PRRX2: variants seen among roughly 807,000 people sequenced by gnomAD.
PRRX2 encodes the protein paired related homeobox 2.
In PRRX2, 11 loss-of-function variants were observed where a neutral mutation model predicts 18.0. The observed-to-expected ratio is 0.61, with a 90% CI of 0.39 to 1.01. The LOEUF (loss-of-function observed/expected upper bound fraction) is 1.01, where lower values mean the gene tolerates loss of function less well. Ranked by LOEUF, PRRX2 falls within the 50% of genes least tolerant of loss-of-function variation. The pLI is 0.01. For missense variants in PRRX2, 387 were observed against 351.0 expected (o/e 1.10, Z -0.82); for synonymous variants, 177 against 154.8 (o/e 1.14, Z -1.06).
Position 129,671,877 on chromosome 9 carries a change from G to C in PRRX2, c.259+5751G>C, listed in dbSNP as rs1244548296. On this transcript the variant is annotated intron_variant, in intron 1 of 3. Coordinates refer to ENST00000372469, the MANE Select transcript of PRRX2 (RefSeq NM_016307.4). The surrounding 1 kb of genome is among the most constrained non-coding windows in gnomAD (Gnocchi z 4.0). ...CACAGTCCTTGGGCTGGAGGAGTCA[G>C]GGAAGGGGAGCTCTCCTGGCTGTTG... 6.6e-6 allele frequency among the ~76,000 whole-genome samples: 1 copy of C among 152,144 alleles called. No homozygotes were observed. The highest frequency in any genetic ancestry group is 1.5e-5 in the Non-Finnish European group (1 of 68,018).
chr9:129,687,056 G>A (rs951315172), intron 1 of PRRX2, among the ~76,000 whole-genome samples: 2 of 152,094 alleles, frequency 1.3e-5, no homozygotes, highest in African/African-American at 2.4e-5. Context: ...TGGGGGAGTA[G>A]TAAAGGGGAC....
At chr9:129,667,364 G>T (rs1832038564) in intron 1 of PRRX2, among the ~76,000 whole-genome samples, 1 of 152,226 alleles carries the variant, frequency 6.6e-6, no homozygotes, top group South Asian at 2.1e-4. Flanking sequence ...GTGCCCTCTG[G>T]TTTGTGCTGG....
At chr9:129,720,021 A>C (rs965661079) in intron 2 of PRRX2, among the ~76,000 whole-genome samples, 1 of 152,044 alleles carries the variant, frequency 6.6e-6, no homozygotes, top group Non-Finnish European at 1.5e-5. Context: ...AATAAAAATA[A>C]ATTTTCGTAA....
chr9:129,666,571 A>ACCCCCCCCC (rs532808399), intron 1 of PRRX2, among the ~76,000 whole-genome samples: 31 of 95,412 alleles, frequency 3.2e-4, no homozygotes, highest in Non-Finnish European at 4.7e-4. Context: ...GTGCCTGCCC[A>ACCCCCCCCC]CCCCCCCCCA....
intron 1 of PRRX2, among the ~76,000 whole-genome samples, chr9:129,711,532 A>G (rs1832620783): frequency 6.6e-6 from 1 of 150,594 alleles, no homozygotes. Context: ...CAGCCTCCCA[A>G]GTAGCTGGGA....
Position 129,695,597 on chromosome 9 carries a change from G to T in PRRX2, c.260-23634G>T, listed in dbSNP as rs1304572502. Among the ~76,000 whole-genome samples the T allele has an allele frequency of 6.6e-6, 1 of 152,100 alleles. No homozygotes were observed. Among genetic ancestry groups the T allele is most frequent in the East Asian group, 1.9e-4 (1 of 5,184 alleles). On this transcript the variant is annotated intron_variant, in intron 1 of 3. Coordinates refer to ENST00000372469, the MANE Select transcript of PRRX2 (RefSeq NM_016307.4). The surrounding 1 kb of genome is among the most constrained non-coding windows in gnomAD (Gnocchi z 4.8). ...CGGGCCGGGAGCCCCCAGCTGGCAG[G>T]CACCTCCCTTTCCTGGCCCACGCTG...
intron 3 of PRRX2, 78 bp downstream of exon 3, chr9:129,720,852 TG>T: frequency 7.2e-7 from 1 of 1,394,336 alleles, no homozygotes; most frequent in East Asian, 2.6e-5. Flanking sequence ...TGGACTCCTC[TG>T]AGGGTCTGGA....
intron 1 of PRRX2, among the ~76,000 whole-genome samples, chr9:129,691,206 G>A (rs1327778177): frequency 2.0e-5 from 3 of 151,364 alleles, no homozygotes; most frequent in South Asian, 2.1e-4. Context: ...GCGTCATGGC[G>A]GGAACCTGTA....
intron 1 of PRRX2, among the ~76,000 whole-genome samples, chr9:129,673,652 C>CCACACACACACACACACACACACACACA (rs3054761): frequency 3.3e-5 from 5 of 149,328 alleles, no homozygotes; most frequent in African/African-American, 4.9e-5. Flanking sequence ...ACCCCCCATG[C>CCACACACACACACACACACACACACACA]CACACACACA....
intron 1 of PRRX2, among the ~76,000 whole-genome samples, chr9:129,681,826 T>C (rs753231016): frequency 6.6e-6 from 1 of 152,208 alleles, no homozygotes; most frequent in Non-Finnish European, 1.5e-5. Context: ...ATGCATCTCC[T>C]TCGGCACAGG....
At chr9:129,687,319 G>A (rs1366014627) in intron 1 of PRRX2, among the ~76,000 whole-genome samples, 1 of 152,210 alleles carries the variant, frequency 6.6e-6, no homozygotes, top group African/African-American at 2.4e-5. Flanking sequence ...GGCCTGGCAG[G>A]GGTGTTGTTC....
At chr9:129,720,336 A>G (rs558934727) in intron 2 of PRRX2, among the ~76,000 whole-genome samples, 4 of 151,654 alleles carry the variant, frequency 2.6e-5, no homozygotes, top group South Asian at 2.1e-4. Context: ...CCTCGCTCCC[A>G]GTGGCCGAGT....
At position 129,675,585 on chromosome 9, in the gene PRRX2, T is replaced by G. The variant is rs947130964; in HGVS notation, c.259+9459T>G. 6.6e-6 allele frequency among the ~76,000 whole-genome samples: 1 copy of G among 151,894 alleles called. No homozygotes were observed. The highest frequency in any genetic ancestry group is 2.4e-5 in the African/African-American group (1 of 41,348). On this transcript the variant is annotated intron_variant, in intron 1 of 3. Coordinates refer to ENST00000372469, the MANE Select transcript of PRRX2 (RefSeq NM_016307.4). The surrounding 1 kb of genome is among the most constrained non-coding windows in gnomAD (Gnocchi z 4.4). ...CCACTGCCCCCAGGGGGCGGCTGCC[T>G]TGCCCCAGACTTTGTCCTCCTGCCC...
chr9:129,684,512 A>C (rs1419861360), intron 1 of PRRX2, among the ~76,000 whole-genome samples: 3 of 44,858 alleles, frequency 6.7e-5, no homozygotes, highest in East Asian at 9.8e-4. Flanking sequence ...ACACACACAC[A>C]CACACACACA....
chr9:129,672,876 G>A (rs544071515), intron 1 of PRRX2, among the ~76,000 whole-genome samples: 52 of 136,254 alleles, frequency 3.8e-4, no homozygotes, highest in Admixed American at 2.4e-3. Context: ...CCCAGCTCCC[G>A]CACTTGTTCA....
At position 129,715,750 on chromosome 9, in the gene PRRX2, T is replaced by TCTCTCTCTCTCTCA. The variant is rs762929485; in HGVS notation, c.260-3480_260-3479insTCTCTCTCTCTCAC. Among the ~76,000 whole-genome samples the TCTCTCTCTCTCTCA allele has an allele frequency of 2.4e-3, 329 of 138,940 alleles. 7 individuals carry two copies. The East Asian group carries it at 0.031, about 13-fold the overall frequency. The allele number at this position is 138,940 out of a possible 152,430, so 91.2% of individuals were successfully genotyped here. ...AAACCCAGCTTCAGGGACATCTTTC[T>TCTCTCTCTCTCTCA]CACACACACACACACACACACACAC... On this transcript the variant is annotated intron_variant, in intron 1 of 3. Transcript: ENST00000372469. The surrounding 1 kb of genome is among the most constrained non-coding windows in gnomAD (Gnocchi z 4.0).
chr9:129,701,354 T>C (rs750535880), intron 1 of PRRX2, among the ~76,000 whole-genome samples: 16 of 152,266 alleles, frequency 1.1e-4, no homozygotes, highest in Non-Finnish European at 2.2e-4. Flanking sequence ...CTGATGTTAC[T>C]TGACCACTAA....
intron 1 of PRRX2, among the ~76,000 whole-genome samples, chr9:129,711,792 A>T (rs902931803): frequency 6.6e-6 from 1 of 152,056 alleles, no homozygotes; most frequent in Admixed American, 6.6e-5. Flanking sequence ...TGAGAGCCAG[A>T]CCCGGACCGG....
At chr9:129,699,795 C>T (rs1374494025) in intron 1 of PRRX2, among the ~76,000 whole-genome samples, 1 of 152,170 alleles carries the variant, frequency 6.6e-6, no homozygotes, top group African/African-American at 2.4e-5. Context: ...TCAGGGCAGC[C>T]TCTGCTCTGT....
Sources: gnomAD v4.1 joint callset for allele counts (sites outside exome capture counted in the v4.1 genomes callset) on GRCh38, gnomAD v4.1.1 for gene constraint, Gnocchi (gnomAD v3.1) non-coding constraint, MANE v1.5 for transcripts, NCBI Gene and HGNC (gene_info 2026-07-23, HGNC 2026-07-21) for gene names.